The following KIRREL3 variants were observed in gnomAD, a reference collection of about 807,000 sequenced individuals.
The protein encoded by KIRREL3 is kin of IRRE-like protein 3.
Under a neutral mutation model 89.7 loss-of-function variants are expected in KIRREL3, and 36 were observed. That is an observed-to-expected ratio of 0.40 (90% CI 0.31 to 0.53). The LOEUF is 0.53. Ranked by LOEUF, KIRREL3 falls within the 20% of genes least tolerant of loss-of-function variation. The pLI, the probability that KIRREL3 is intolerant of heterozygous loss-of-function variation, is 0.49. For synonymous variants in KIRREL3, 445 were observed against 441.4 expected (o/e 1.01, Z -0.10); for missense variants, 864 against 1,056.6 (o/e 0.82, Z 2.53).
At position 126,653,865 on chromosome 11, in the gene KIRREL3, T is replaced by C. The variant is rs1249789699; in HGVS notation, c.56-90953A>G. 6.6e-6 allele frequency among the ~76,000 whole-genome samples: 1 copy of C among 152,198 alleles called. No individual in the cohort carries two copies. Among genetic ancestry groups the C allele is most frequent in the Non-Finnish European group, 1.5e-5 (1 of 68,030 alleles). ...AGAAAATGTCACCTTTGTTCCTCTA[T>C]AGCCATTTTTAGTTGCACCAAAGGG... On this transcript the variant is annotated intron_variant, in intron 1 of 16. Transcript: ENST00000525144. This position sits in a 1 kb window ranked among gnomAD's most constrained non-coding sequence, Gnocchi z 5.4.
At position 126,627,076 on chromosome 11, in the gene KIRREL3, T is replaced by G. The variant is rs1427580098; in HGVS notation, c.56-64164A>C. 1.3e-5 allele frequency among the ~76,000 whole-genome samples: 2 copies of G among 151,212 alleles called. No homozygotes were observed. Among genetic ancestry groups the G allele is most frequent in the Non-Finnish European group, 2.9e-5 (2 of 67,858 alleles). ...AAAGGAAGGTGTGTGTGCATGCATGTGTGTGTATGTGTGTGTGAAGGAATG... is the reference window on the plus strand; with the variant it reads ...AAAGGAAGGTGTGTGTGCATGCATGGGTGTGTATGTGTGTGTGAAGGAATG... On this transcript the variant is annotated intron_variant, in intron 1 of 16. Transcript: ENST00000525144. The surrounding 1 kb of genome is among the most constrained non-coding windows in gnomAD (Gnocchi z 5.0).
At position 126,558,376 on chromosome 11, in the gene KIRREL3, C is replaced by T. The variant is rs1416948802; in HGVS notation, c.133+4459G>A. On this transcript the variant is annotated intron_variant, in intron 2 of 16. Coordinates refer to ENST00000525144, the MANE Select transcript of KIRREL3 (RefSeq NM_032531.4). This position sits in a 1 kb window ranked among gnomAD's most constrained non-coding sequence, Gnocchi z 4.0. ...GTGTTCTGCCCTTTCTTCTCCCTGC[C>T]TTGCCACTTCCTCTCTTTCCAGCCA... Among the ~76,000 whole-genome samples, 2 of 152,170 alleles carry T rather than the reference C, an allele frequency of 1.3e-5. No individual in the cohort carries two copies. The highest frequency in any genetic ancestry group is 2.9e-5 in the Non-Finnish European group (2 of 68,038).
At chr11:126,757,088 A>G (rs1163365693) in intron 1 of KIRREL3, among the ~76,000 whole-genome samples, 1 of 152,230 alleles carries the variant, frequency 6.6e-6, no homozygotes, top group Admixed American at 6.5e-5. Flanking sequence ...GCAATCAAGC[A>G]TAAAGTTCTG....
chr11:126,568,147 C>T lies in KIRREL3; in HGVS notation c.56-5235G>A, dbSNP rs922205914. Reference sequence around the variant, plus strand: ...ATGAGACAGGAGATCTAGCCAGGGACCAGATCCTGGAGTAGCCAATGAGCC... The same window carrying T: ...ATGAGACAGGAGATCTAGCCAGGGATCAGATCCTGGAGTAGCCAATGAGCC... On this transcript the variant is annotated intron_variant, in intron 1 of 16. Coordinates refer to ENST00000525144, the MANE Select transcript of KIRREL3 (RefSeq NM_032531.4). The surrounding 1 kb of genome is among the most constrained non-coding windows in gnomAD (Gnocchi z 4.6). Among the ~76,000 whole-genome samples, 3 of 152,094 alleles carry T rather than the reference C, an allele frequency of 2.0e-5. No homozygotes were observed. The highest frequency in any genetic ancestry group is 4.8e-5 in the African/African-American group (2 of 41,432).
intron 1 of KIRREL3, among the ~76,000 whole-genome samples, chr11:126,699,360 A>G (rs1947224314): frequency 6.6e-6 from 1 of 152,254 alleles, no homozygotes; most frequent in African/African-American, 2.4e-5. Flanking sequence ...AAATATTGAT[A>G]GTGTTCCCAC....
chr11:126,970,090 G>A lies in KIRREL3; in HGVS notation c.55+30365C>T, dbSNP rs1949387434. 6.6e-6 allele frequency among the ~76,000 whole-genome samples: 1 copy of A among 152,200 alleles called. No individual in the cohort carries two copies. Among genetic ancestry groups the A allele is most frequent in the African/African-American group, 2.4e-5 (1 of 41,450 alleles). ...TGCCCTAGGTTGTCACCTAGGGACG[G>A]AACAGGAAAATGCAGCCTCTCTACC... On this transcript the variant is annotated intron_variant, in intron 1 of 16. Transcript: ENST00000525144. The surrounding 1 kb of genome is among the most constrained non-coding windows in gnomAD (Gnocchi z 4.4).
At position 126,476,123 on chromosome 11, in the gene KIRREL3, C is replaced by T. The variant is rs980862482; in HGVS notation, c.434-2657G>A. 1.3e-5 allele frequency among the ~76,000 whole-genome samples: 2 copies of T among 152,198 alleles called. No individual in the cohort carries two copies. The highest frequency in any genetic ancestry group is 6.5e-5 in the Admixed American group (1 of 15,284). On this transcript the variant is annotated intron_variant, in intron 4 of 16. Coordinates refer to ENST00000525144, the MANE Select transcript of KIRREL3 (RefSeq NM_032531.4). The surrounding 1 kb of genome is among the most constrained non-coding windows in gnomAD (Gnocchi z 6.4). ...GAGCTCGGAGGATCTGGGAACTGAC[C>T]GCTCTCCAGCACGGACATTTACTGG...
intron 1 of KIRREL3, among the ~76,000 whole-genome samples, chr11:126,831,501 C>G (rs924302835): frequency 6.6e-6 from 1 of 151,798 alleles, no homozygotes; most frequent in Non-Finnish European, 1.5e-5. Context: ...ATCAGGTAAA[C>G]CTTGCCCTGA....
At chr11:126,998,796 T>C (rs1316351960) in intron 1 of KIRREL3, among the ~76,000 whole-genome samples, 1 of 152,206 alleles carries the variant, frequency 6.6e-6, no homozygotes, top group African/African-American at 2.4e-5. Context: ...AAGCATGCAC[T>C]GGTCCCATGC....
At chr11:126,971,962 A>G (rs1949434822) in intron 1 of KIRREL3, among the ~76,000 whole-genome samples, 1 of 152,158 alleles carries the variant, frequency 6.6e-6, no homozygotes, top group African/African-American at 2.4e-5. Flanking sequence ...GTGAATTTAC[A>G]TGGCCCTTTA....
rs1401661075 is a variant in KIRREL3, at chr11:126,463,727, T to TGTGGCCCCTGAGCGGGGACA, written c.592-440_592-421dup. Among the ~76,000 whole-genome samples the TGTGGCCCCTGAGCGGGGACA allele has an allele frequency of 4.6e-5, 7 of 152,294 alleles. No homozygotes were observed. Among genetic ancestry groups the TGTGGCCCCTGAGCGGGGACA allele is most frequent in the African/African-American group, 1.7e-4 (7 of 41,568 alleles). ...GAGATGGTTTGCAACCAGCAGGGAC[T>TGTGGCCCCTGAGCGGGGACA]GTGGCCCCTGAGCGGGGACAGTCTG... On this transcript the variant is annotated intron_variant, in intron 5 of 16. Transcript: ENST00000525144. This position sits in a 1 kb window ranked among gnomAD's most constrained non-coding sequence, Gnocchi z 5.9.
chr11:126,771,568 C>T lies in KIRREL3; in HGVS notation c.56-208656G>A, dbSNP rs950385068. ...GCAAAACCTGCAATTACTTTTGCAC[C>T]AACCGAAATAGTTTTACCAGGGCAG... is the stretch of plus-strand genomic sequence containing the variant. On this transcript the variant is annotated intron_variant, in intron 1 of 16. Transcript: ENST00000525144. This position sits in a 1 kb window ranked among gnomAD's most constrained non-coding sequence, Gnocchi z 4.4. Among the ~76,000 whole-genome samples the T allele has an allele frequency of 5.3e-5, 8 of 152,220 alleles. 1 individual carries two copies. The East Asian group carries it at 9.6e-4, about 18-fold the overall frequency.
Position 126,564,088 on chromosome 11 carries a change from G to A in KIRREL3, c.56-1176C>T, listed in dbSNP as rs1940334281. Among the ~76,000 whole-genome samples, 1 of 152,250 alleles carries A rather than the reference G, an allele frequency of 6.6e-6. No homozygotes were observed. The highest frequency in any genetic ancestry group is 6.5e-5 in the Admixed American group (1 of 15,284). On this transcript the variant is annotated intron_variant, in intron 1 of 16. Transcript: ENST00000525144. The surrounding 1 kb of genome is among the most constrained non-coding windows in gnomAD (Gnocchi z 7.4). ...TTCTGGAAGAGGGAATATGACTGCA[G>A]CTCTTCCTGGCCCTTGCCAGGGTTT...
chr11:126,552,550 G>GTTTTTGT (rs1939351379), intron 2 of KIRREL3, among the ~76,000 whole-genome samples: 1 of 81,752 alleles, frequency 1.2e-5, no homozygotes, highest in African/African-American at 4.3e-5. Context: ...AGAGAGAAAA[G>GTTTTTGT]TTTTTTTTTT....
Position 126,697,545 on chromosome 11 carries a change from T to TAATG in KIRREL3, c.56-134637_56-134634dup, listed in dbSNP as rs1220056802. ...AACTGATGCTCAGTGGCTCTTTGTT[T>TAATG]AATGAATGAATACATGAATAGTGAT... On this transcript the variant is annotated intron_variant, in intron 1 of 16. Transcript: ENST00000525144. This position sits in a 1 kb window ranked among gnomAD's most constrained non-coding sequence, Gnocchi z 4.2. 2.0e-5 allele frequency among the ~76,000 whole-genome samples: 3 copies of TAATG among 152,216 alleles called. No homozygotes were observed. Among genetic ancestry groups the TAATG allele is most frequent in the African/African-American group, 7.2e-5 (3 of 41,454 alleles).
chr11:126,607,271 G>A lies in KIRREL3; in HGVS notation c.56-44359C>T, dbSNP rs1942928327. On this transcript the variant is annotated intron_variant, in intron 1 of 16. Coordinates refer to ENST00000525144, the MANE Select transcript of KIRREL3 (RefSeq NM_032531.4). This position sits in a 1 kb window ranked among gnomAD's most constrained non-coding sequence, Gnocchi z 6.6. ...ACAGGAAGAAAAACTGCGGCCAGAGGGGCAAGGCGAGGAAGTCGCCATAAC... is the reference window on the plus strand; with the variant it reads ...ACAGGAAGAAAAACTGCGGCCAGAGAGGCAAGGCGAGGAAGTCGCCATAAC... Among the ~76,000 whole-genome samples the A allele has an allele frequency of 6.6e-6, 1 of 152,220 alleles. No homozygotes were observed. The highest frequency in any genetic ancestry group is 2.4e-5 in the African/African-American group (1 of 41,462).
intron 1 of KIRREL3, among the ~76,000 whole-genome samples, chr11:126,720,773 C>A (rs1592017503): frequency 6.6e-6 from 1 of 152,054 alleles, no homozygotes; most frequent in Non-Finnish European, 1.5e-5. Flanking sequence ...TGTGGCTGGG[C>A]CAGGGCACAT....
Position 126,471,183 on chromosome 11 carries a change from C to A in KIRREL3, c.591+2126G>T, listed in dbSNP as rs1476131060. On this transcript the variant is annotated intron_variant, in intron 5 of 16. Transcript: ENST00000525144. This position sits in a 1 kb window ranked among gnomAD's most constrained non-coding sequence, Gnocchi z 5.4. ...GACCAGCCTGACCAACATGGAGTAACCCCGTCTCTTTTAAAAATACAAAAA... is the reference window on the plus strand; with the variant it reads ...GACCAGCCTGACCAACATGGAGTAAACCCGTCTCTTTTAAAAATACAAAAA... Among the ~76,000 whole-genome samples the A allele has an allele frequency of 1.3e-5, 2 of 151,876 alleles. No homozygotes were observed. The highest frequency in any genetic ancestry group is 4.8e-5 in the African/African-American group (2 of 41,340).
At chr11:126,604,926 A>G (rs1399976032) in intron 1 of KIRREL3, among the ~76,000 whole-genome samples, 2 of 152,230 alleles carry the variant, frequency 1.3e-5, no homozygotes, top group African/African-American at 2.4e-5. Context: ...AATCAGGCTG[A>G]TGCTATCTCC....
Sources: allele counts gnomAD v4.1 joint callset (sites outside exome capture counted in the v4.1 genomes callset), GRCh38; gene constraint gnomAD v4.1.1; non-coding constraint Gnocchi (gnomAD v3.1); transcripts MANE v1.5; gene names NCBI Gene and HGNC (gene_info 2026-07-23, HGNC 2026-07-21).